Variants in SCN1A observed in about 807,000 individuals in gnomAD.
SCN1A encodes the protein sodium voltage-gated channel alpha subunit 1, also known as sodium channel protein type 1 subunit alpha.
A neutral mutation model predicts 193.7 loss-of-function variants in SCN1A; 13 were observed. The observed-to-expected ratio is 0.07, with a 90% confidence interval of 0.04 to 0.11. SCN1A has a LOEUF of 0.11. Ranked by LOEUF, SCN1A falls within the 10% of genes least tolerant of loss-of-function variation. The pLI is 1.00. For missense variants in SCN1A, 1,432 were observed against 2,451.1 expected (o/e 0.58, Z 8.78); for synonymous variants, 781 against 843.6 (o/e 0.93, Z 1.29).
intron 26 of SCN1A, 126 bp from the exon 27 acceptor site, chr2:165,996,243 T>C (rs1211864085): frequency 4.8e-6 from 3 of 619,596 alleles, no homozygotes; most frequent in Non-Finnish European, 8.5e-6. Context: ...TAATTATATC[T>C]GGGATTTAAA....
intron 1 of SCN1A, among the ~76,000 whole-genome samples, chr2:166,134,588 C>G (rs908195203): frequency 1.3e-5 from 2 of 152,154 alleles, no homozygotes; most frequent in East Asian, 3.9e-4. Flanking sequence ...CCCAAGGGCA[C>G]GAGCTCTGGG....
At chr2:166,040,131 G>A (rs1285464216) in intron 16 of SCN1A, among the ~76,000 whole-genome samples, 1 of 151,952 alleles carries the variant, frequency 6.6e-6, no homozygotes, top group East Asian at 1.9e-4. Flanking sequence ...TGTTAGGCAG[G>A]ATGGTCTCGA....
At chr2:166,025,517 C>T (rs1694643126) in intron 19 of SCN1A, among the ~76,000 whole-genome samples, 1 of 152,196 alleles carries the variant, frequency 6.6e-6, no homozygotes, top group African/African-American at 2.4e-5. Context: ...CAGGCCCACC[C>T]AGCATCATCC....
intron 22 of SCN1A, among the ~76,000 whole-genome samples, chr2:166,010,156 A>T (rs901590628): frequency 6.6e-6 from 1 of 151,086 alleles, no homozygotes; most frequent in Non-Finnish European, 1.5e-5. Context: ...AAAAAAATTC[A>T]TTGGCTATTC....
At position 165,987,262 on chromosome 2, in the gene SCN1A, G is replaced by T. The variant is rs976162699; in HGVS notation, c.*3983C>A. 1.3e-5 allele frequency: 2 copies of T among 152,128 alleles called. No individual in the cohort carries two copies. The highest frequency in any genetic ancestry group is 4.8e-5 in the African/African-American group (2 of 41,444). The allele number at this position is 152,128 out of a possible 1,614,324, so 9.4% of individuals were successfully genotyped here. A position where few individuals can be genotyped will look rare whatever the true frequency, so the allele number is the denominator to read the frequency against. On this transcript the variant is annotated 3_prime_UTR_variant, in exon 29 of 29. Coordinates refer to ENST00000674923, the MANE Select transcript of SCN1A (RefSeq NM_001165963.4). Reference sequence around the variant, plus strand: ...AGTATATCTTATCAGGAGGCACATAGTATCAGTTGGTCTCATAATTGATGA... The same window carrying T: ...AGTATATCTTATCAGGAGGCACATATTATCAGTTGGTCTCATAATTGATGA...
intron 4 of SCN1A, among the ~76,000 whole-genome samples, chr2:166,068,257 G>C (rs1684052661): frequency 6.6e-6 from 1 of 152,144 alleles, no homozygotes; most frequent in African/African-American, 2.4e-5. Context: ...TCAGTTGAAG[G>C]ATCTCCTATA....
At chr2:166,085,067 A>G (rs1685961964) in intron 2 of SCN1A, among the ~76,000 whole-genome samples, 1 of 152,136 alleles carries the variant, frequency 6.6e-6, no homozygotes, top group Non-Finnish European at 1.5e-5. Context: ...ACCCCTGTAT[A>G]TGAGTCCTAG....
intron 12 of SCN1A, among the ~76,000 whole-genome samples, chr2:166,045,696 C>T (rs1697752967): frequency 1.3e-5 from 2 of 151,884 alleles, no homozygotes; most frequent in Admixed American, 1.3e-4. Context: ...AAAAGAAACT[C>T]GAGTATGGAA....
intron 2 of SCN1A, among the ~76,000 whole-genome samples, chr2:166,110,708 T>G (rs1292020857): frequency 6.6e-6 from 1 of 152,176 alleles, no homozygotes; most frequent in Non-Finnish European, 1.5e-5. Context: ...AAGATCTAGC[T>G]AAGATCATTG....
intron 11 of SCN1A, 134 bp from the exon 12 acceptor site, chr2:166,047,110 T>C (rs1358879906): frequency 6.2e-6 from 6 of 971,696 alleles, no homozygotes; most frequent in Non-Finnish European, 9.1e-6. Flanking sequence ...CCCTGTACTT[T>C]TTTTTTATTG....
chr2:166,052,771 T>C (rs1698721954), intron 8 of SCN1A, 81 bp downstream of exon 8: 2 of 1,167,420 alleles, frequency 1.7e-6, no homozygotes, highest in Admixed American at 3.8e-5. Context: ...GATTCCTGAT[T>C]TTCTGTAAAA....
At chr2:166,026,942 C>T (rs1456338062) in intron 19 of SCN1A, among the ~76,000 whole-genome samples, 5 of 151,908 alleles carry the variant, frequency 3.3e-5, no homozygotes, top group Non-Finnish European at 5.9e-5. Context: ...CTCGGCCTCC[C>T]GGAATATTTC....
chr2:166,016,292 C>T (rs918163922), intron 19 of SCN1A: 20 of 155,328 alleles, frequency 1.3e-4, no homozygotes, highest in African/African-American at 4.8e-4. Flanking sequence ...TCAAAAATTA[C>T]ATCAATAAAC....
At chr2:166,044,293 CACACACACACACACAT>C (rs1697532542) in intron 13 of SCN1A, among the ~76,000 whole-genome samples, 1 of 151,140 alleles carries the variant, frequency 6.6e-6, no homozygotes, top group Non-Finnish European at 1.5e-5. Context: ...CATATTGAAA[CACACACACACACACAT>C]ACACACACAC....
In SCN1A at chr2:166,048,959, A is replaced by T; in HGVS notation, c.965-10T>A. On this transcript the variant is annotated splice_polypyrimidine_tract_variant and intron_variant, in intron 9 of 28. Coordinates refer to ENST00000674923, the MANE Select transcript of SCN1A (RefSeq NM_001165963.4). ...AGGAAATAATGATATCCTGTTTGAA[A>T]AAAGAAAGTCGTATGATGAACATTT... 6.4e-7 allele frequency: 1 copy of T among 1,569,208 alleles called. No homozygotes were observed. Among genetic ancestry groups the T allele is most frequent in the Non-Finnish European group, 8.8e-7 (1 of 1,139,792 alleles).
At chr2:166,031,322 G>A (rs1574142311) in intron 19 of SCN1A, among the ~76,000 whole-genome samples, 2 of 152,078 alleles carry the variant, frequency 1.3e-5, no homozygotes, top group East Asian at 1.9e-4. Flanking sequence ...CTTGCTTCCT[G>A]GAAACCAAGA....
In SCN1A at chr2:166,110,970, T is replaced by C. The variant is rs575771868; in HGVS notation, c.-142+15954A>G. On this transcript the variant is annotated intron_variant, in intron 2 of 28. Coordinates refer to ENST00000674923, the MANE Select transcript of SCN1A (RefSeq NM_001165963.4). ...GCTCCTCCTTCATCTTCCACCATGA[T>C]TGTTTGAGGCCTCCCTAGCCATGTG... 9.8e-5 allele frequency among the ~76,000 whole-genome samples: 15 copies of C among 152,330 alleles called. No homozygotes were observed. In the East Asian group the frequency reaches 2.7e-3, roughly 27 times the overall value.
chr2:166,144,853 G>GTTT (rs76856475), intron 1 of SCN1A, among the ~76,000 whole-genome samples: 1 of 138,568 alleles, frequency 7.2e-6, no homozygotes, highest in African/African-American at 2.7e-5. Flanking sequence ...AAGGATCATG[G>GTTT]TTTTTTTTTT....
chr2:166,075,402 A>G (rs1000564843), intron 3 of SCN1A: 7 of 152,002 alleles, frequency 4.6e-5, no homozygotes, highest in Admixed American at 4.6e-4. Context: ...CTATTTTAAA[A>G]TACATATTCA....
Sources: allele counts gnomAD v4.1 joint callset (sites outside exome capture counted in the v4.1 genomes callset), GRCh38; gene constraint gnomAD v4.1.1; transcripts MANE v1.5; gene names NCBI Gene and HGNC (gene_info 2026-07-23, HGNC 2026-07-21).